Variants in MAST4 observed in about 807,000 individuals in gnomAD.
MAST4 encodes microtubule-associated serine/threonine-protein kinase 4.
In MAST4, 89 loss-of-function variants were observed where a neutral mutation model predicts 162.7. The ratio of observed to expected loss-of-function variants is 0.55; its 90% confidence interval spans 0.46 to 0.65. The LOEUF is 0.65. Among genes scored for constraint, MAST4 ranks in the 30% least tolerant of loss-of-function variants. The pLI is 0.00. For synonymous variants in MAST4, 1,479 were observed against 1,361.1 expected (o/e 1.09, Z -1.91); for missense variants, 3,153 against 3,374.0 (o/e 0.93, Z 1.62).
At chr5:66,805,674 G>C (rs1756149809) in intron 3 of MAST4, among the ~76,000 whole-genome samples, 1 of 152,154 alleles carries the variant, frequency 6.6e-6, no homozygotes, top group South Asian at 2.1e-4. Flanking sequence ...CATCCCCGAG[G>C]CTGATGTGAC....
intron 5 of MAST4, among the ~76,000 whole-genome samples, chr5:67,063,936 A>G (rs1171543202): frequency 6.6e-6 from 1 of 152,202 alleles, no homozygotes; most frequent in Non-Finnish European, 1.5e-5. Flanking sequence ...TCAAGATGGA[A>G]GAAACGAGAA....
chr5:67,156,081 C>G (rs1415062804), intron 26 of MAST4, among the ~76,000 whole-genome samples: 1 of 147,640 alleles, frequency 6.8e-6, no homozygotes, highest in African/African-American at 2.5e-5. Context: ...AAAAAAAAGA[C>G]ACGTAAGGAT....
intron 1 of MAST4, among the ~76,000 whole-genome samples, chr5:66,742,976 G>T (rs754858407): frequency 6.6e-6 from 1 of 152,204 alleles, no homozygotes; most frequent in Non-Finnish European, 1.5e-5. Context: ...GCTATTAATT[G>T]TGAATAGTAG....
chr5:66,639,190 C>A (rs556106505), intron 1 of MAST4, among the ~76,000 whole-genome samples: 1 of 151,268 alleles, frequency 6.6e-6, no homozygotes, highest in South Asian at 2.1e-4. Context: ...TGAGGAAAAA[C>A]CTAGATAGAA....
intron 1 of MAST4, among the ~76,000 whole-genome samples, chr5:66,706,752 C>T (rs1186746177): frequency 6.6e-6 from 1 of 152,044 alleles, no homozygotes; most frequent in African/African-American, 2.4e-5. Context: ...GACTTAGCTC[C>T]CTGGTGTTGA....
intron 1 of MAST4, among the ~76,000 whole-genome samples, chr5:66,743,706 G>C (rs1752594891): frequency 1.3e-5 from 2 of 152,192 alleles, no homozygotes; most frequent in African/African-American, 4.8e-5. Context: ...AGGATAGCAG[G>C]GCAGAAACCC....
Position 67,100,502 on chromosome 5 carries a change from T to A in MAST4, c.980T>A (p.Phe327Tyr). The stretch of plus-strand genomic sequence containing the variant: ...CAACCAACACCAGACGAGTTACACT[T>A]CTTATCAAAACATTTCTGTACCACC... ...PYQPTPDELH[F>Y]LSKHFCTTES... Residue 327 changes from phenylalanine to tyrosine, a missense_variant, in exon 8 of 29, where the codon TTC (phenylalanine) becomes TAC (tyrosine). By Grantham distance (22) the Phe-to-Tyr change is conservative. Around this residue, in one of 7 missense-constraint regions of MAST4, gnomAD observed 360 missense variants for 450.0 expected, o/e 0.80. Transcript: ENST00000403625. 2 of 1,613,936 alleles carry A rather than the reference T, an allele frequency of 1.2e-6. No homozygotes were observed. The highest frequency in any genetic ancestry group is 2.2e-5 in the South Asian group (2 of 91,072).
At chr5:67,022,491 A>G (rs761187158) in intron 4 of MAST4, among the ~76,000 whole-genome samples, 3 of 152,048 alleles carry the variant, frequency 2.0e-5, no homozygotes, top group Admixed American at 1.3e-4. Context: ...TAGGACGAAG[A>G]GCTTCTAAAG....
chr5:66,927,308 T>C (rs1221049884), intron 4 of MAST4, among the ~76,000 whole-genome samples: 1 of 152,248 alleles, frequency 6.6e-6, no homozygotes, highest in African/African-American at 2.4e-5. Flanking sequence ...CCTCCAGATA[T>C]GTAATTATTT....
At chr5:66,700,972 A>G (rs569107775) in intron 1 of MAST4, among the ~76,000 whole-genome samples, 78 of 152,160 alleles carry the variant, frequency 5.1e-4, no homozygotes, top group African/African-American at 1.8e-3. Context: ...ACTGTTTGCA[A>G]ATATGTTTTT....
In MAST4 at chr5:66,727,019, T is replaced by C. The variant is rs116500833; in HGVS notation, c.364-32690T>C. Reference sequence around the variant, plus strand: ...CTGTTCCAATGGTTCTGGTGAGAGATAGTGACCTTAGTTAGGAAGTGGTGT... The same window carrying C: ...CTGTTCCAATGGTTCTGGTGAGAGACAGTGACCTTAGTTAGGAAGTGGTGT... On this transcript the variant is annotated intron_variant, in intron 1 of 28. Coordinates refer to ENST00000403625, the MANE Select transcript of MAST4 (RefSeq NM_001164664.2). Among the ~76,000 whole-genome samples, 433 of 152,120 alleles carry C rather than the reference T, an allele frequency of 2.8e-3. 2 individuals are homozygous for C. The highest frequency in any genetic ancestry group is 1.0e-2 in the African/African-American group (414 of 41,510).
chr5:67,139,011 T>C (rs1462393700), intron 19 of MAST4, among the ~76,000 whole-genome samples: 1 of 152,236 alleles, frequency 6.6e-6, no homozygotes, highest in Non-Finnish European at 1.5e-5. Flanking sequence ...GCACATTTTC[T>C]TGTTGATTGC....
chr5:66,704,749 C>T (rs1028407183), intron 1 of MAST4, among the ~76,000 whole-genome samples: 2 of 152,134 alleles, frequency 1.3e-5, no homozygotes, highest in African/African-American at 4.8e-5. Context: ...ATCCGCCTGC[C>T]TCAGCCTCCC....
intron 1 of MAST4, among the ~76,000 whole-genome samples, chr5:66,732,026 C>A (rs1261913248): frequency 6.6e-6 from 1 of 151,952 alleles, no homozygotes; most frequent in East Asian, 2.0e-4. Flanking sequence ...ATACCAGTCC[C>A]ACGCAGGCCC....
intron 4 of MAST4, among the ~76,000 whole-genome samples, chr5:66,939,223 A>G (rs1261556524): frequency 2.0e-5 from 3 of 152,188 alleles, no homozygotes; most frequent in African/African-American, 2.4e-5. Flanking sequence ...AAAGCATAGT[A>G]TCTGAAATTA....
intron 5 of MAST4, among the ~76,000 whole-genome samples, chr5:67,066,081 C>T (rs544429831): frequency 1.3e-5 from 2 of 151,960 alleles, no homozygotes; most frequent in South Asian, 4.2e-4. Context: ...AATACAAAAA[C>T]AGTCATATAG....
intron 5 of MAST4, among the ~76,000 whole-genome samples, chr5:67,056,819 C>T (rs1293815331): frequency 6.6e-6 from 1 of 152,106 alleles, no homozygotes; most frequent in Non-Finnish European, 1.5e-5. Context: ...GCCTCAGCCT[C>T]CTGGGTAGCT....
At chr5:66,685,157 G>A (rs1422883611) in intron 1 of MAST4, among the ~76,000 whole-genome samples, 1 of 152,054 alleles carries the variant, frequency 6.6e-6, no homozygotes. Flanking sequence ...AACTACTTGG[G>A]GAGGCTGAGG....
chr5:66,675,828 T>C (rs1015097873), intron 1 of MAST4, among the ~76,000 whole-genome samples: 2 of 152,214 alleles, frequency 1.3e-5, no homozygotes, highest in Non-Finnish European at 2.9e-5. Flanking sequence ...ACCAGCTGCG[T>C]CTACATGATG....
Sources: allele counts gnomAD v4.1 joint callset (sites outside exome capture counted in the v4.1 genomes callset), GRCh38; gene constraint gnomAD v4.1.1; regional missense constraint gnomAD v4.1.1; transcripts MANE v1.5; gene names NCBI Gene and HGNC (gene_info 2026-07-23, HGNC 2026-07-21).